The following WWOX variants were observed in gnomAD, a reference collection of about 807,000 sequenced individuals.
WWOX encodes the protein WW domain-containing oxidoreductase.
A neutral mutation model predicts 46.2 loss-of-function variants in WWOX; 69 were observed. That is an observed-to-expected ratio of 1.49 (90% CI 1.23 to 1.82). The LOEUF (loss-of-function observed/expected upper bound fraction) is 1.82. Among genes scored for constraint, WWOX ranks in the 40% most tolerant of loss-of-function variants. The pLI is 0.00. For synonymous variants in WWOX, 359 were observed against 202.6 expected (o/e 1.77, Z -6.56); for missense variants, 919 against 542.6 (o/e 1.69, Z -6.89).
intron 8 of WWOX, among the ~76,000 whole-genome samples, chr16:79,132,148 A>T (rs2049891875): frequency 6.6e-6 from 1 of 151,342 alleles, no homozygotes; most frequent in African/African-American, 2.4e-5. Context: ...ACACACACAC[A>T]CACACACACA....
intron 8 of WWOX, among the ~76,000 whole-genome samples, chr16:78,688,106 AT>A (rs10706051): frequency 0.35 from 52,633 of 151,744 alleles, 9,853 homozygotes; most frequent in African/African-American, 0.42. Context: ...AATGGTTATT[AT>A]TTCTATATAT....
At chr16:78,774,534 G>GCA (rs1597588378) in intron 8 of WWOX, among the ~76,000 whole-genome samples, 2 of 109,122 alleles carry the variant, frequency 1.8e-5, no homozygotes, top group East Asian at 2.2e-4. Flanking sequence ...GTGTGTGTGC[G>GCA]CGTGCGCACA....
At chr16:79,152,190 G>A (rs114802311) in intron 8 of WWOX, among the ~76,000 whole-genome samples, 2,531 of 152,222 alleles carry the variant, frequency 0.017, 74 homozygotes, top group African/African-American at 0.058. Context: ...TCCCCCACGC[G>A]AGGCGAGGCC....
intron 8 of WWOX, among the ~76,000 whole-genome samples, chr16:78,596,962 T>G (rs1216370409): frequency 6.6e-6 from 1 of 152,142 alleles, no homozygotes; most frequent in Non-Finnish European, 1.5e-5. Context: ...AGTAACCATG[T>G]TCTAGCTATG....
At chr16:78,744,408 C>T (rs1171699072) in intron 8 of WWOX, among the ~76,000 whole-genome samples, 2 of 147,462 alleles carry the variant, frequency 1.4e-5, no homozygotes, top group Non-Finnish European at 3.0e-5. Flanking sequence ...AGGAAGGGCC[C>T]ATGGTCCACA....
chr16:78,357,811 C>T (rs2081330408), intron 5 of WWOX, among the ~76,000 whole-genome samples: 2 of 152,166 alleles, frequency 1.3e-5, no homozygotes. Flanking sequence ...CACCCGATCC[C>T]TGGGAGTTTG....
intron 5 of WWOX, among the ~76,000 whole-genome samples, chr16:78,288,601 A>C (rs9928997): frequency 0.23 from 35,262 of 152,112 alleles, 4,408 homozygotes; most frequent in East Asian, 0.4. Flanking sequence ...ATTTTATACC[A>C]ATCCCTTGTA....
intron 8 of WWOX, among the ~76,000 whole-genome samples, chr16:78,882,531 C>T (rs905591080): frequency 2.7e-5 from 4 of 150,604 alleles, no homozygotes; most frequent in African/African-American, 9.8e-5. Flanking sequence ...GGCTGGCGTG[C>T]ATTGGTGGGA....
chr16:78,385,786 G>T (rs150362010), intron 5 of WWOX, among the ~76,000 whole-genome samples: 1 of 152,162 alleles, frequency 6.6e-6, no homozygotes, highest in African/African-American at 2.4e-5. Context: ...CAAGTCAACC[G>T]TTTGTTTTAC....
chr16:78,699,494 G>A (rs116316245), intron 8 of WWOX, among the ~76,000 whole-genome samples: 9,103 of 152,210 alleles, frequency 0.06, 390 homozygotes, highest in Non-Finnish European at 0.072. Flanking sequence ...AGCTGAGATC[G>A]TGCCACTGTA....
intron 8 of WWOX, among the ~76,000 whole-genome samples, chr16:78,864,665 CCT>C (rs1324635080): frequency 1.3e-5 from 2 of 151,546 alleles, no homozygotes; most frequent in Non-Finnish European, 2.9e-5. Flanking sequence ...TCTGAGATTC[CCT>C]GTTAGCACAG....
chr16:78,700,522 A>T (rs577585683), intron 8 of WWOX, among the ~76,000 whole-genome samples: 1 of 152,170 alleles, frequency 6.6e-6, no homozygotes, highest in South Asian at 2.1e-4. Flanking sequence ...TGAACCAACC[A>T]CGTGCACAGA....
intron 5 of WWOX, among the ~76,000 whole-genome samples, chr16:78,265,609 C>T (rs533435992): frequency 3.3e-4 from 50 of 150,320 alleles, no homozygotes; most frequent in Non-Finnish European, 5.0e-4. Flanking sequence ...GTCTGGGAGG[C>T]GGAGGTTGCA....
intron 8 of WWOX, among the ~76,000 whole-genome samples, chr16:79,104,623 G>A (rs765948767): frequency 9.9e-5 from 15 of 152,168 alleles, no homozygotes; most frequent in Non-Finnish European, 1.9e-4. Context: ...ATGCACATAT[G>A]TATGTCACCA....
chr16:78,600,967 C>T (rs2045608407), intron 8 of WWOX, among the ~76,000 whole-genome samples: 1 of 152,180 alleles, frequency 6.6e-6, no homozygotes, highest in African/African-American at 2.4e-5. Flanking sequence ...GACTGCCTTT[C>T]CTACTAGAGC....
At chr16:78,958,835 A>C (rs2046219650) in intron 8 of WWOX, among the ~76,000 whole-genome samples, 1 of 152,208 alleles carries the variant, frequency 6.6e-6, no homozygotes, top group Non-Finnish European at 1.5e-5. Context: ...AAGGTTATGT[A>C]ATTTTAAAAT....
intron 8 of WWOX, among the ~76,000 whole-genome samples, chr16:78,970,634 T>G (rs181797594): frequency 8.5e-5 from 13 of 152,296 alleles, no homozygotes; most frequent in Admixed American, 2.0e-4. Context: ...ACAAAGATTA[T>G]AGTGTAATGC....
intron 5 of WWOX, among the ~76,000 whole-genome samples, chr16:78,337,086 A>T (rs1311875871): frequency 1.3e-5 from 2 of 152,112 alleles, no homozygotes; most frequent in African/African-American, 2.4e-5. Flanking sequence ...TGACCCTAGG[A>T]TAATCTTAAT....
At chr16:78,692,874 T>C (rs2048022200) in intron 8 of WWOX, among the ~76,000 whole-genome samples, 1 of 152,214 alleles carries the variant, frequency 6.6e-6, no homozygotes, top group Non-Finnish European at 1.5e-5. Flanking sequence ...ATGTTGTTTA[T>C]AGTAAAAACA....
Sources: allele counts gnomAD v4.1 joint callset (sites outside exome capture counted in the v4.1 genomes callset), GRCh38; gene constraint gnomAD v4.1.1; transcripts MANE v1.5; gene names NCBI Gene and HGNC (gene_info 2026-07-23, HGNC 2026-07-21).